Variants in PDGFC observed in about 807,000 individuals in gnomAD.
The protein encoded by PDGFC is platelet-derived growth factor C.
In PDGFC, 12 loss-of-function variants were observed where a neutral mutation model predicts 35.5. That is an observed-to-expected ratio of 0.34 (90% confidence interval 0.22 to 0.55). The LOEUF (loss-of-function observed/expected upper bound fraction) is 0.55, where lower values mean the gene tolerates loss of function less well. PDGFC is among the 20% of genes least tolerant of loss of function. The pLI, the probability that PDGFC is intolerant of heterozygous loss-of-function variation, is 0.91. For synonymous variants in PDGFC, 159 were observed against 148.8 expected (o/e 1.07, Z -0.50); for missense variants, 322 against 412.4 (o/e 0.78, Z 1.90).
chr4:156,958,628 T>C (rs1368043687), intron 1 of PDGFC, among the ~76,000 whole-genome samples: 2 of 152,066 alleles, frequency 1.3e-5, no homozygotes, highest in Non-Finnish European at 2.9e-5. Context: ...TTATTTCGTT[T>C]CCTGTGCTTA....
At chr4:156,768,040 C>G in intron 4 of PDGFC, 50 bp from the exon 5 acceptor site, 1 of 1,062,908 alleles carries the variant, frequency 9.4e-7, no homozygotes, top group Non-Finnish European at 1.5e-6. Context: ...ATGCTTTGAG[C>G]CTGAATGTAT....
chr4:156,855,699 T>C (rs1729558724), intron 1 of PDGFC, among the ~76,000 whole-genome samples: 1 of 152,312 alleles, frequency 6.6e-6, no homozygotes, highest in African/African-American at 2.4e-5. Flanking sequence ...TTTGCTATGC[T>C]CACTGTTTTT....
At position 156,821,168 on chromosome 4, in the gene PDGFC, T is replaced by C. The variant is rs527254489; in HGVS notation, c.315-10151A>G. ...ACATCCCAAGGAATGTTGCCTGTTG[T>C]ATGTGTGTGTGTGTGTGTGTGTGTG... is the stretch of plus-strand genomic sequence containing the variant. On this transcript the variant is annotated intron_variant, in intron 2 of 5. Transcript: ENST00000502773. 3.5e-4 allele frequency among the ~76,000 whole-genome samples: 37 copies of C among 105,422 alleles called. 1 individual carries two copies. The highest frequency in any genetic ancestry group is 2.8e-3 in the African/African-American group (37 of 13,140). The allele number at this position is 105,422 out of a possible 152,430, so 69.2% of individuals were successfully genotyped here.
intron 1 of PDGFC, among the ~76,000 whole-genome samples, chr4:156,918,108 A>G (rs1731192284): frequency 6.6e-6 from 1 of 152,224 alleles, no homozygotes; most frequent in Admixed American, 6.5e-5. Context: ...CTTCTACCAC[A>G]TAATTTTCAA....
At chr4:156,815,282 A>G in intron 2 of PDGFC, among the ~76,000 whole-genome samples, 1 of 151,842 alleles carries the variant, frequency 6.6e-6, no homozygotes, top group East Asian at 1.9e-4. Flanking sequence ...ATAACTATTA[A>G]GACATCTATG....
intron 1 of PDGFC, among the ~76,000 whole-genome samples, chr4:156,964,324 T>C (rs1412880014): frequency 6.6e-6 from 1 of 150,984 alleles, no homozygotes; most frequent in African/African-American, 2.4e-5. Context: ...TGGTAACCAT[T>C]ATAAAGGTAG....
chr4:156,950,131 A>G (rs1732044933), intron 1 of PDGFC, among the ~76,000 whole-genome samples: 1 of 151,868 alleles, frequency 6.6e-6, no homozygotes, highest in Non-Finnish European at 1.5e-5. Flanking sequence ...TTTTGAGCTG[A>G]AGACAAGTAA....
Position 156,825,633 on chromosome 4 carries a change from A to AAGAAGAAGG in PDGFC, c.315-14617_315-14616insCCTTCTTCT, listed in dbSNP as rs1732444978. 2.7e-5 allele frequency among the ~76,000 whole-genome samples: 4 copies of AAGAAGAAGG among 145,744 alleles called. No homozygotes were observed. The East Asian group carries it at 7.9e-4, about 29-fold the overall frequency. ...GAAGAAGAAGAAGAAGAAGAAGAAG[A>AAGAAGAAGG]AGAAGAAGAAAAGAAAGAAGGGCTA... On this transcript the variant is annotated intron_variant, in intron 2 of 5. Coordinates refer to ENST00000502773, the MANE Select transcript of PDGFC (RefSeq NM_016205.3).
intron 1 of PDGFC, among the ~76,000 whole-genome samples, chr4:156,870,212 T>A (rs1172422053): frequency 6.6e-6 from 1 of 152,144 alleles, no homozygotes; most frequent in Non-Finnish European, 1.5e-5. Context: ...TAACATGTCT[T>A]CTTCCTTTCA....
rs555892236 is a variant in PDGFC, at chr4:156,779,051, T to C, written c.496-6158A>G. The C allele has an allele frequency of 5.7e-4, 251 of 440,300 alleles. 3 individuals are homozygous for C. The highest frequency in any genetic ancestry group is 3.7e-3 in the South Asian group (231 of 61,658). The allele number at this position is 440,300 out of a possible 1,614,324, so 27.3% of individuals were successfully genotyped here. On this transcript the variant is annotated intron_variant, in intron 3 of 5. Transcript: ENST00000502773. ...TTAAAGGTGTCTCCAATCTCATTTATGTAATGTCAAACTGATATATTGTAC... is the reference window on the plus strand; with the variant it reads ...TTAAAGGTGTCTCCAATCTCATTTACGTAATGTCAAACTGATATATTGTAC...
At position 156,831,715 on chromosome 4, in the gene PDGFC, T is replaced by C. The variant is rs150501258; in HGVS notation, c.314+18506A>G. 3.3e-3 allele frequency among the ~76,000 whole-genome samples: 504 copies of C among 151,962 alleles called. 17 individuals are homozygous for C. In the East Asian group the frequency reaches 0.072, roughly 22 times the overall value. On this transcript the variant is annotated intron_variant, in intron 2 of 5. Transcript: ENST00000502773. ...CCTCGGCCTCCCAAAGTGCTAGGAT[T>C]ACAGGTGTGAGCTACCACACCCGGC...
intron 3 of PDGFC, among the ~76,000 whole-genome samples, chr4:156,794,294 T>C (rs1451698656): frequency 6.6e-6 from 1 of 152,114 alleles, no homozygotes. Context: ...TGGTATATAT[T>C]AGAAAATAGA....
rs115828110 is a variant in PDGFC at position 156,850,534 on chromosome 4, T to A, written c.119-118A>T. Reference sequence around the variant, plus strand: ...CAAGTGCTGAGTGTGTTTTATATGATATATGCCAAATACCACTCTTTCCAG... The same window carrying A: ...CAAGTGCTGAGTGTGTTTTATATGAAATATGCCAAATACCACTCTTTCCAG... On this transcript the variant is annotated intron_variant, in intron 1 of 5. Coordinates refer to ENST00000502773, the MANE Select transcript of PDGFC (RefSeq NM_016205.3). 3.7e-3 allele frequency: 1,861 copies of A among 498,858 alleles called. 26 individuals are homozygous for A. The highest frequency in any genetic ancestry group is 0.033 in the African/African-American group (1,702 of 51,646). The allele number at this position is 498,858 out of a possible 1,614,324, so 30.9% of individuals were successfully genotyped here. A position where few individuals can be genotyped will look rare whatever the true frequency, so the allele number is the denominator to read the frequency against.
At chr4:156,911,057 T>C (rs1326757170) in intron 1 of PDGFC, among the ~76,000 whole-genome samples, 3 of 152,178 alleles carry the variant, frequency 2.0e-5, no homozygotes, top group African/African-American at 7.2e-5. Context: ...TGAAGCCAAA[T>C]TTACCAGTCA....
At chr4:156,914,270 A>T (rs138624355) in intron 1 of PDGFC, among the ~76,000 whole-genome samples, 3 of 152,180 alleles carry the variant, frequency 2.0e-5, no homozygotes, top group African/African-American at 7.2e-5. Flanking sequence ...ACCAGAACCA[A>T]GTGTGCTTCT....
chr4:156,850,491 T>C (rs1729427948), intron 1 of PDGFC, 75 bp from the exon 2 acceptor site: 2 of 773,530 alleles, frequency 2.6e-6, no homozygotes, highest in East Asian at 5.3e-5. Flanking sequence ...GTGTTTATTA[T>C]TCACACTTTA....
intron 1 of PDGFC, among the ~76,000 whole-genome samples, chr4:156,876,254 C>A (rs1462763908): frequency 2.6e-5 from 4 of 152,096 alleles, no homozygotes; most frequent in African/African-American, 9.7e-5. Context: ...CTTCAAGGTT[C>A]TCCTTAAAGA....
At chr4:156,937,815 A>G (rs762327582) in intron 1 of PDGFC, among the ~76,000 whole-genome samples, 19 of 152,188 alleles carry the variant, frequency 1.2e-4, no homozygotes, top group Non-Finnish European at 2.6e-4. Flanking sequence ...TACAACCCTA[A>G]TATTGGTTGA....
At chr4:156,874,552 AAT>A (rs1381207389) in intron 1 of PDGFC, among the ~76,000 whole-genome samples, 1 of 152,144 alleles carries the variant, frequency 6.6e-6, no homozygotes, top group African/African-American at 2.4e-5. Context: ...AAGTCAATGA[AAT>A]TGAAATAAAA....
Sources: gnomAD v4.1 joint callset for allele counts (sites outside exome capture counted in the v4.1 genomes callset) on GRCh38, gnomAD v4.1.1 for gene constraint, MANE v1.5 for transcripts, NCBI Gene and HGNC (gene_info 2026-07-23, HGNC 2026-07-21) for gene names.